The following CYP3A7 variants were observed in gnomAD, a reference collection of about 807,000 sequenced individuals.
CYP3A7 encodes the protein cytochrome P450 3A7.
In CYP3A7, 45 loss-of-function variants were observed where a neutral mutation model predicts 55.2. The ratio of observed to expected loss-of-function variants is 0.82; its 90% CI spans 0.64 to 1.05. The LOEUF (loss-of-function observed/expected upper bound fraction) is 1.05. CYP3A7 is among the 50% of genes least tolerant of loss of function. CYP3A7 has a pLI of 0.00. For missense variants in CYP3A7, 548 were observed against 605.3 expected, an observed-to-expected ratio of 0.91 and a Z score of 0.99; for synonymous variants, 180 against 207.4, an observed-to-expected ratio of 0.87 and a Z score of 1.13.
intron 12 of CYP3A7, among the ~76,000 whole-genome samples, chr7:99,706,806 C>T (rs190445956): frequency 6.6e-6 from 1 of 152,332 alleles, no homozygotes; most frequent in East Asian, 1.9e-4. Flanking sequence ...GACTGCATAT[C>T]ACTCCTTAAA....
At chr7:99,732,996 A>C (rs979799868) in intron 1 of CYP3A7, among the ~76,000 whole-genome samples, 9 of 152,196 alleles carry the variant, frequency 5.9e-5, no homozygotes, top group African/African-American at 2.2e-4. Flanking sequence ...GACTCTGATA[A>C]TATGTGGTAA....
Position 99,720,423 on chromosome 7 carries a change from A to G in CYP3A7, c.219-11T>C. On this transcript the variant is annotated splice_polypyrimidine_tract_variant and intron_variant, in intron 3 of 12. Transcript: ENST00000336374. ...TGACAGTCATAAATACTGTGTGGAG[A>G]AAACAGAGTTGATTAAACATCAACA... The G allele has an allele frequency of 6.2e-7, 1 of 1,613,294 alleles. No individual in the cohort carries two copies. The highest frequency in any genetic ancestry group is 8.5e-7 in the Non-Finnish European group (1 of 1,179,446).
chr7:99,725,343 A>T (rs1814369958), intron 2 of CYP3A7, among the ~76,000 whole-genome samples: 1 of 152,224 alleles, frequency 6.6e-6, no homozygotes, highest in Non-Finnish European at 1.5e-5. Flanking sequence ...ACCCCACAAC[A>T]GGACTTAAAT....
At chr7:99,716,790 A>G (rs1399924364) in intron 6 of CYP3A7, among the ~76,000 whole-genome samples, 1 of 152,196 alleles carries the variant, frequency 6.6e-6, no homozygotes, top group Non-Finnish European at 1.5e-5. Context: ...GTTCTCCATT[A>G]TAACTTTCCC....
chr7:99,715,631 T>A, intron 7 of CYP3A7, 127 bp downstream of exon 7: 2 of 1,502,118 alleles, frequency 1.3e-6, no homozygotes, highest in Admixed American at 1.7e-5. Flanking sequence ...GTCGTACATA[T>A]CTTCAAATGT....
chr7:99,714,974 G>A (rs1340062578), intron 7 of CYP3A7, among the ~76,000 whole-genome samples: 1 of 152,138 alleles, frequency 6.6e-6, no homozygotes, highest in East Asian at 1.9e-4. Flanking sequence ...TATGTATTGG[G>A]CTAGGGTCTC....
intron 3 of CYP3A7, 148 bp downstream of exon 3, chr7:99,722,148 T>C (rs1036556955): frequency 1.0e-6 from 1 of 966,368 alleles, no homozygotes; most frequent in African/African-American, 1.7e-5. Context: ...CAAATACATA[T>C]CTTCTTCTTT....
Position 99,720,183 on chromosome 7 carries a change from TG to T in CYP3A7, c.318+129del, listed in dbSNP as rs1814140280. On this transcript the variant is annotated intron_variant, in intron 4 of 12. Coordinates refer to ENST00000336374, the MANE Select transcript of CYP3A7 (RefSeq NM_000765.5). The stretch of plus-strand genomic sequence containing the variant: ...GATTGCAAGATGTTACCATGGGGGA[TG>T]GGCAGGATGAAGTGTACATGGAACC... 4.5e-6 allele frequency: 5 copies of T among 1,099,924 alleles called. No individual in the cohort carries two copies. In the Admixed American group the frequency reaches 1.0e-4, roughly 22 times the overall value. 68.1% of individuals were successfully genotyped at this position (1,099,924 alleles called of 1,614,324 possible). A position where few individuals can be genotyped will look rare whatever the true frequency, so the allele number is the denominator to read the frequency against.
At chr7:99,711,133 G>A (rs1359711167) in intron 9 of CYP3A7, among the ~76,000 whole-genome samples, 2 of 152,076 alleles carry the variant, frequency 1.3e-5, no homozygotes, top group Admixed American at 6.6e-5. Context: ...GCTCCTCCTC[G>A]TGCCATCCCT....
intron 1 of CYP3A7, among the ~76,000 whole-genome samples, chr7:99,731,425 A>C (rs1054071692): frequency 1.3e-5 from 2 of 152,238 alleles, no homozygotes; most frequent in African/African-American, 4.8e-5. Flanking sequence ...AAATGTTCTC[A>C]AATGTGAATG....
chr7:99,714,448 G>A (rs1034499224), intron 8 of CYP3A7, 107 bp downstream of exon 8: 1 of 1,528,908 alleles, frequency 6.5e-7, no homozygotes, highest in Non-Finnish European at 8.8e-7. Flanking sequence ...TACTCTTTAT[G>A]TTAAAATCTT....
At chr7:99,717,307 A>G in intron 5 of CYP3A7, 42 bp from the exon 6 acceptor site, 1 of 1,613,788 alleles carries the variant, frequency 6.2e-7, no homozygotes. Context: ...AAATGTGCAG[A>G]CATAAGTCCC....
Position 99,705,520 on chromosome 7 carries a change from C to T in CYP3A7, c.1492G>A (p.Glu498Lys), listed in dbSNP as rs757100968. 8 of 1,613,530 alleles carry T rather than the reference C, an allele frequency of 5.0e-6. No individual in the cohort carries two copies. The Admixed American group carries it at 5.0e-5, about 10-fold the overall frequency. Residue 498 changes from glutamate to lysine, a missense_variant, in exon 13 of 13, where the codon GAG (glutamate) becomes AAG (lysine). Physicochemically the swap from Glu to Lys is moderately conservative, Grantham distance 56. Transcript: ENST00000336374. ...GGAAATCAGGCTCCACTTACGGTCT[C>T]ATCCCTTGACTCAGCCTTTAGAACA... ...PIVLKAESRD[E>K]TVSGA
intron 9 of CYP3A7, among the ~76,000 whole-genome samples, chr7:99,713,036 C>A (rs1181958036): frequency 6.6e-6 from 1 of 152,204 alleles, no homozygotes; most frequent in African/African-American, 2.4e-5. Context: ...ATTTGGATAG[C>A]ATGGCTCCTG....
intron 4 of CYP3A7, 142 bp from the exon 5 acceptor site, chr7:99,717,781 C>T: frequency 9.0e-7 from 1 of 1,106,174 alleles, no homozygotes; most frequent in East Asian, 2.6e-5. Flanking sequence ...GACAGATGCT[C>T]AATAGGATTT....
At chr7:99,718,136 G>A (rs548892374) in intron 4 of CYP3A7, among the ~76,000 whole-genome samples, 3 of 152,198 alleles carry the variant, frequency 2.0e-5, no homozygotes, top group Admixed American at 1.3e-4. Flanking sequence ...GTGGGGAGAG[G>A]GGGGAAGGAT....
chr7:99,718,066 A>G (rs1471276721), intron 4 of CYP3A7, among the ~76,000 whole-genome samples: 4 of 152,046 alleles, frequency 2.6e-5, no homozygotes, highest in African/African-American at 7.2e-5. Context: ...TTAAAAAAAT[A>G]TACAATGAGA....
At chr7:99,733,829 AGTTTAGGAT>A (rs1814722622) in intron 1 of CYP3A7, among the ~76,000 whole-genome samples, 1 of 152,200 alleles carries the variant, frequency 6.6e-6, no homozygotes, top group Non-Finnish European at 1.5e-5. Flanking sequence ...TAGCCCTGAG[AGTTTAGGAT>A]AACCTGCTAA....
intron 9 of CYP3A7, among the ~76,000 whole-genome samples, chr7:99,711,780 A>AG: frequency 1.5e-5 from 1 of 67,726 alleles, no homozygotes; most frequent in Non-Finnish European, 6.1e-5. Flanking sequence ...AAAACAAAAC[A>AG]AAACAACAAC....
Sources: allele counts gnomAD v4.1 joint callset (sites outside exome capture counted in the v4.1 genomes callset), GRCh38; gene constraint gnomAD v4.1.1; transcripts MANE v1.5; gene names NCBI Gene and HGNC (gene_info 2026-07-23, HGNC 2026-07-21).